The following IFT88 variants were observed in gnomAD, a reference collection of about 807,000 sequenced individuals.
IFT88 encodes the protein intraflagellar transport protein 88 homolog.
In IFT88, 74 loss-of-function variants were observed where a neutral mutation model predicts 119.5. The observed-to-expected ratio is 0.62, with a 90% CI of 0.51 to 0.75. The LOEUF (loss-of-function observed/expected upper bound fraction) is 0.75, where lower values mean the gene tolerates loss of function less well. IFT88 is among the 30% of genes least tolerant of loss of function. The pLI, the probability that IFT88 is intolerant of heterozygous loss-of-function variation, is 0.00. For synonymous variants in IFT88, 279 were observed against 316.7 expected, an observed-to-expected ratio of 0.88 and a Z score of 1.26; for missense variants, 961 against 977.7, an observed-to-expected ratio of 0.98 and a Z score of 0.23.
chr13:20,583,176 C>T (rs1328624265), intron 3 of IFT88, among the ~76,000 whole-genome samples, 157 bp downstream of exon 3: 1 of 152,086 alleles, frequency 6.6e-6, no homozygotes, highest in Non-Finnish European at 1.5e-5. Flanking sequence ...AGTTTTTCAT[C>T]TTGTATATAT....
At chr13:20,633,949 T>G (rs1454597016) in intron 16 of IFT88, among the ~76,000 whole-genome samples, 2 of 152,200 alleles carry the variant, frequency 1.3e-5, no homozygotes, top group Non-Finnish European at 2.9e-5. Context: ...ACCTGGATGC[T>G]TCTTTTACTG....
At chr13:20,607,834 G>T (rs1051642582) in intron 13 of IFT88, 1 of 731,702 alleles carries the variant, frequency 1.4e-6, no homozygotes. Flanking sequence ...GAGAATCATG[G>T]TCATCACAGT....
chr13:20,666,537 T>TGGTC (rs1356781757), intron 23 of IFT88, among the ~76,000 whole-genome samples: 2 of 152,216 alleles, frequency 1.3e-5, no homozygotes, highest in Non-Finnish European at 2.9e-5. Context: ...TGCGAGTTTA[T>TGGTC]GGTCACAGAT....
intron 1 of IFT88, among the ~76,000 whole-genome samples, chr13:20,571,062 C>T (rs960217151): frequency 2.0e-5 from 3 of 152,060 alleles, no homozygotes; most frequent in African/African-American, 4.8e-5. Flanking sequence ...GGCACAATCT[C>T]GGCCCACTGC....
chr13:20,634,868 A>G lies in IFT88; in HGVS notation c.1387-3464A>G, dbSNP rs368247849. Among the ~76,000 whole-genome samples the G allele has an allele frequency of 7.7e-4, 116 of 151,564 alleles. No homozygotes were observed. The Middle Eastern group carries it at 0.01, about 14-fold the overall frequency. ...CAACGTGCAGGTTTGTTACATATGT[A>G]TACATGTGCCATGTTGGTGTGCTGC... On this transcript the variant is annotated intron_variant, in intron 16 of 25. Coordinates refer to ENST00000351808, the MANE Select transcript of IFT88 (RefSeq NM_006531.5).
At chr13:20,656,009 A>G (rs1489585619) in intron 21 of IFT88, among the ~76,000 whole-genome samples, 1 of 151,536 alleles carries the variant, frequency 6.6e-6, no homozygotes, top group Non-Finnish European at 1.5e-5. Flanking sequence ...TCTGGAGGCT[A>G]AGACACGAGG....
intron 13 of IFT88, chr13:20,607,353 T>G: frequency 1.8e-6 from 1 of 541,968 alleles, no homozygotes; most frequent in Admixed American, 2.3e-5. Context: ...AAGGTGCCCA[T>G]GTCCTATGCA....
intron 1 of IFT88, chr13:20,567,873 T>G (rs925946546): frequency 1.2e-6 from 1 of 852,050 alleles, no homozygotes; most frequent in Non-Finnish European, 1.7e-6. Flanking sequence ...TGTTTGTTTT[T>G]TTTTTTTCGA....
At chr13:20,647,493 C>T (rs2050927893) in intron 20 of IFT88, among the ~76,000 whole-genome samples, 1 of 152,116 alleles carries the variant, frequency 6.6e-6, no homozygotes, top group African/African-American at 2.4e-5. Context: ...CCTTGCCTTG[C>T]TGTATCTCTT....
At chr13:20,604,136 A>G (rs1266900577) in intron 12 of IFT88, among the ~76,000 whole-genome samples, 1 of 152,138 alleles carries the variant, frequency 6.6e-6, no homozygotes, top group African/African-American at 2.4e-5. Flanking sequence ...CACCTACTCG[A>G]GAAGCTGAGT....
chr13:20,590,861 G>A, intron 4 of IFT88, 106 bp from the exon 5 acceptor site: 1 of 758,440 alleles, frequency 1.3e-6, no homozygotes, highest in Non-Finnish European at 2.2e-6. Flanking sequence ...AATAAATTAT[G>A]TTTGTTTATT....
intron 20 of IFT88, among the ~76,000 whole-genome samples, chr13:20,648,854 G>A (rs981342240): frequency 6.6e-6 from 1 of 152,146 alleles, no homozygotes; most frequent in African/African-American, 2.4e-5. Flanking sequence ...AATATTAATG[G>A]TAACCAGAAG....
chr13:20,584,100 G>A (rs1300090739), intron 3 of IFT88, among the ~76,000 whole-genome samples: 3 of 151,674 alleles, frequency 2.0e-5, no homozygotes, highest in Non-Finnish European at 2.9e-5. Context: ...AGTTGTTTTA[G>A]CTACTTGGGG....
rs374656637 is a variant in IFT88, at chr13:20,668,703, C to T, written c.2176-2270C>T. Among the ~76,000 whole-genome samples the T allele has an allele frequency of 7.9e-4, 120 of 152,208 alleles. 2 individuals carry two copies. In the South Asian group the frequency reaches 0.021, roughly 26 times the overall value. ...TAATGAGAGCACATGGAGCCAGTCCCGACCAGGGGACACACAGGGGGTCTC... is the reference window on the plus strand; with the variant it reads ...TAATGAGAGCACATGGAGCCAGTCCTGACCAGGGGACACACAGGGGGTCTC... On this transcript the variant is annotated intron_variant, in intron 23 of 25. Coordinates refer to ENST00000351808, the MANE Select transcript of IFT88 (RefSeq NM_006531.5).
Position 20,631,153 on chromosome 13 carries a change from A to G in IFT88, c.1386+51A>G, listed in dbSNP as rs758004228. 3 of 1,159,298 alleles carry G rather than the reference A, an allele frequency of 2.6e-6. No homozygotes were observed. In the South Asian group the frequency reaches 3.7e-5, roughly 14 times the overall value. The allele number at this position is 1,159,298 out of a possible 1,614,324, so 71.8% of individuals were successfully genotyped here. On this transcript the variant is annotated intron_variant, in intron 16 of 25. Coordinates refer to ENST00000351808, the MANE Select transcript of IFT88 (RefSeq NM_006531.5). ...AATCATATGCTATTTTTATATTGCT[A>G]AATTTCTGCCCAAGGATCATGCCTA...
intron 6 of IFT88, 77 bp from the exon 7 acceptor site, chr13:20,592,258 C>G (rs1047270277): frequency 9.5e-7 from 1 of 1,047,810 alleles, no homozygotes; most frequent in Admixed American, 2.2e-5. Flanking sequence ...ATAGCTTATG[C>G]GAGGTTTTAT....
At chr13:20,567,864 GTTTGTTTTTTTTT>G (rs2035222883) in intron 1 of IFT88, 6 of 887,770 alleles carry the variant, frequency 6.8e-6, no homozygotes, top group Middle Eastern at 6.3e-4. Context: ...AGTTTTTTTT[GTTTGTTTTTTTTT>G]TTTCGAGAAA....
At chr13:20,617,435 CG>C (rs1442209633) in intron 14 of IFT88, among the ~76,000 whole-genome samples, 1 of 152,124 alleles carries the variant, frequency 6.6e-6, no homozygotes, top group Non-Finnish European at 1.5e-5. Context: ...CAAACAAAGC[CG>C]ATACGTGCAG....
At chr13:20,674,461 T>C (rs1215437381) in intron 24 of IFT88, among the ~76,000 whole-genome samples, 1 of 152,144 alleles carries the variant, frequency 6.6e-6, no homozygotes, top group Non-Finnish European at 1.5e-5. Context: ...TATGGTGTTA[T>C]TAAGCTTTCA....
Sources: allele counts gnomAD v4.1 joint callset (sites outside exome capture counted in the v4.1 genomes callset), GRCh38; gene constraint gnomAD v4.1.1; transcripts MANE v1.5; gene names NCBI Gene and HGNC (gene_info 2026-07-23, HGNC 2026-07-21).